SLC7A7: variants seen among roughly 807,000 people sequenced by gnomAD.
SLC7A7 encodes the protein solute carrier family 7 member 7.
In SLC7A7, 39 loss-of-function variants were observed where a neutral mutation model predicts 47.9. The observed-to-expected ratio is 0.81, with a 90% CI of 0.63 to 1.06. The LOEUF is 1.06. Among genes scored for constraint, SLC7A7 ranks in the 50% least tolerant of loss-of-function variants. The probability of loss-of-function intolerance (pLI) is 0.00; values close to 1 mark genes in which losing one functional copy is unlikely to be tolerated. For missense variants in SLC7A7, 588 were observed against 632.0 expected (o/e 0.93, Z 0.75); for synonymous variants, 234 against 242.8 (o/e 0.96, Z 0.34).
rs2038518243 is a variant in SLC7A7 at position 22,773,547 on chromosome 14, T to C, written c.*63A>G. 6.9e-7 allele frequency: 1 copy of C among 1,440,096 alleles called. No individual in the cohort carries two copies. The highest frequency in any genetic ancestry group is 2.3e-5 in the East Asian group (1 of 44,080). 89.2% of individuals were successfully genotyped at this position (1,440,096 alleles called of 1,614,324 possible). ...AAAGAAGTGAGCTTTCCTTTTCAAC[T>C]TCCTTAGCTCTAGCCAGTAGACCAG... On this transcript the variant is annotated 3_prime_UTR_variant, in exon 10 of 10. Coordinates refer to ENST00000674313, the MANE Select transcript of SLC7A7 (RefSeq NM_003982.4).
At chr14:22,812,791 A>ATG in intron 2 of SLC7A7, 109 bp downstream of exon 2, 2 of 738,042 alleles carry the variant, frequency 2.7e-6, no homozygotes, top group Non-Finnish European at 4.1e-6. Context: ...ATATATATAT[A>ATG]TGTTGTCAGA....
rs2139384237 is a variant in SLC7A7 at position 22,774,360 on chromosome 14, G to C, written c.1239C>G (p.Pro413=). 1 of 1,614,088 alleles carries C rather than the reference G, an allele frequency of 6.2e-7. No individual in the cohort carries two copies. The highest frequency in any genetic ancestry group is 2.2e-5 in the East Asian group (1 of 44,890). ...LRWKEPDRPR[P]LKLSVFFPIV... ...TAGGATGGAGTTGCCTTACCTTGAGGGGACGAGGTCGATCAGGCTCCTTCC... is the reference window on the plus strand; with the variant it reads ...TAGGATGGAGTTGCCTTACCTTGAGCGGACGAGGTCGATCAGGCTCCTTCC... Residue 413 remains proline (P), a synonymous_variant, in exon 8 of 10, where the codon CCC becomes CCG. Transcript: ENST00000674313.
At chr14:22,780,833 G>C (rs2038705312) in intron 2 of SLC7A7, among the ~76,000 whole-genome samples, 1 of 152,112 alleles carries the variant, frequency 6.6e-6, no homozygotes, top group Non-Finnish European at 1.5e-5. Context: ...CTAAGAAAAA[G>C]TTTCATATCT....
chr14:22,777,571 CA>C (rs35500075), intron 4 of SLC7A7, among the ~76,000 whole-genome samples: 49,682 of 150,288 alleles, frequency 0.33, 9,204 homozygotes, highest in African/African-American at 0.51. Flanking sequence ...GTAAGGCTGC[CA>C]AAAAAAAAGC....
At position 22,774,132 on chromosome 14, in the gene SLC7A7, A is replaced by G. The variant is rs761909712; in HGVS notation, c.1246-16T>C. On this transcript the variant is annotated splice_polypyrimidine_tract_variant and intron_variant, in intron 8 of 9. Transcript: ENST00000674313. ...AAACGCTGAGCTAAGGGCACAGGAA[A>G]CATAACTGGAGTGGACAACTCAGGA... The G allele has an allele frequency of 9.9e-6, 16 of 1,613,996 alleles. No homozygotes were observed. The highest frequency in any genetic ancestry group is 2.2e-5 in the East Asian group (1 of 44,898).
chr14:22,775,241 C>G (rs1415119380), intron 7 of SLC7A7, among the ~76,000 whole-genome samples: 3 of 149,384 alleles, frequency 2.0e-5, no homozygotes. Context: ...TATCTTAGAG[C>G]AGAGGTGTAC....
chr14:22,805,289 A>G (rs757861222), intron 2 of SLC7A7, among the ~76,000 whole-genome samples: 8 of 152,228 alleles, frequency 5.3e-5, no homozygotes, highest in Non-Finnish European at 1.2e-4. Context: ...CACTCAAAAC[A>G]AGGAGGCAGA....
intron 2 of SLC7A7, among the ~76,000 whole-genome samples, chr14:22,802,388 G>A (rs536389872): frequency 1.8e-4 from 27 of 151,628 alleles, no homozygotes; most frequent in Non-Finnish European, 3.4e-4. Flanking sequence ...GGGCGACAGA[G>A]CAAGACTCTG....
chr14:22,775,566 T>A, intron 6 of SLC7A7, 26 bp from the exon 7 acceptor site: 1 of 1,601,058 alleles, frequency 6.2e-7, no homozygotes, highest in Non-Finnish European at 8.6e-7. Flanking sequence ...TAGGAGAAGC[T>A]GAGAAAATTG....
rs555887435 is a variant in SLC7A7, at chr14:22,777,065, C to T, written c.771-747G>A. On this transcript the variant is annotated intron_variant, in intron 4 of 9. Transcript: ENST00000674313. ...GGCTGAGGTGGGAGGATCACTTGAG[C>T]CTGGGGAGGTCAAGGCTGCAGTGAA... 3.3e-4 allele frequency among the ~76,000 whole-genome samples: 49 copies of T among 148,130 alleles called. 1 individual carries two copies. The Middle Eastern group carries it at 0.014, about 42-fold the overall frequency.
chr14:22,817,048 A>G (rs1270590625), upstream of SLC7A7, among the ~76,000 whole-genome samples: 1 of 151,828 alleles, frequency 6.6e-6, no homozygotes, highest in Non-Finnish European at 1.5e-5. Context: ...TCCAGAGCTC[A>G]TATACTCTTA....
chr14:22,792,948 G>T (rs539639994), intron 2 of SLC7A7, among the ~76,000 whole-genome samples: 1 of 145,426 alleles, frequency 6.9e-6, no homozygotes, highest in South Asian at 2.2e-4. Flanking sequence ...ACAGAGTCTC[G>T]CTCTGTCGCC....
intron 2 of SLC7A7, among the ~76,000 whole-genome samples, chr14:22,799,444 C>CTTTTTTTTTTTTTT (rs2039072654): frequency 2.7e-5 from 3 of 109,790 alleles, no homozygotes; most frequent in African/African-American, 6.4e-5. Context: ...TTATTTTTTT[C>CTTTTTTTTTTTTTT]TTTCTTTTTT....
chr14:22,776,705 C>G (rs1020470329), intron 4 of SLC7A7, among the ~76,000 whole-genome samples: 1 of 151,780 alleles, frequency 6.6e-6, no homozygotes, highest in African/African-American at 2.4e-5. Context: ...TGGTGGCTCA[C>G]GCCTGTAATC....
intron 2 of SLC7A7, among the ~76,000 whole-genome samples, chr14:22,788,694 ACT>A (rs1408130468): frequency 6.8e-6 from 1 of 146,116 alleles, no homozygotes; most frequent in African/African-American, 2.6e-5. Flanking sequence ...ACAGAGTGAG[ACT>A]CTGTCTGGGA....
chr14:22,809,361 G>A (rs1262239037), intron 2 of SLC7A7, among the ~76,000 whole-genome samples: 28 of 133,812 alleles, frequency 2.1e-4, no homozygotes, highest in Admixed American at 1.0e-3. Context: ...TTTTTTTTGA[G>A]ACAGAGTCTG....
upstream of SLC7A7, chr14:22,816,088 A>ACCCACGTGCGG (rs2039403643): frequency 5.8e-6 from 1 of 171,314 alleles, no homozygotes; most frequent in African/African-American, 2.4e-5. Context: ...TCCCCACCAG[A>ACCCACGTGCGG]CCCACGTGCC....
rs1486405301 is a variant in SLC7A7, at chr14:22,775,432, G to A, written c.1095+12C>T. The A allele has an allele frequency of 6.2e-7, 1 of 1,608,140 alleles. No individual in the cohort carries two copies. Among genetic ancestry groups the A allele is most frequent in the African/African-American group, 1.3e-5 (1 of 74,906 alleles). Reference sequence around the variant, plus strand: ...CAATCTGGCTTTCAGTCTCATCCTTGAGTTCACTTACATTGAAGAGCAGAG... The same window carrying A: ...CAATCTGGCTTTCAGTCTCATCCTTAAGTTCACTTACATTGAAGAGCAGAG... On this transcript the variant is annotated intron_variant, in intron 7 of 9. Transcript: ENST00000674313.
chr14:22,783,166 T>TCA (rs2038750446), intron 2 of SLC7A7, among the ~76,000 whole-genome samples: 1 of 151,914 alleles, frequency 6.6e-6, no homozygotes, highest in East Asian at 2.0e-4. Context: ...ACTCCTGACC[T>TCA]TGTGATCTGC....
Sources: gnomAD v4.1 joint callset for allele counts (sites outside exome capture counted in the v4.1 genomes callset) on GRCh38, gnomAD v4.1.1 for gene constraint, MANE v1.5 for transcripts, NCBI Gene and HGNC (gene_info 2026-07-23, HGNC 2026-07-21) for gene names.